Variants in CLIC5 observed in about 807,000 individuals in gnomAD.
CLIC5 encodes chloride intracellular channel protein 5.
Under a neutral mutation model 24.7 loss-of-function variants are expected in CLIC5, and 20 were observed. That is an observed-to-expected ratio of 0.81 (90% CI 0.57 to 1.18). The LOEUF (loss-of-function observed/expected upper bound fraction) is 1.18. CLIC5 is among the 50% of genes most tolerant of loss of function. The pLI, the probability that CLIC5 is intolerant of heterozygous loss-of-function variation, is 0.00. For synonymous variants in CLIC5, 159 were observed against 135.6 expected, an observed-to-expected ratio of 1.17 and a Z score of -1.20; for missense variants, 341 against 326.1, an observed-to-expected ratio of 1.05 and a Z score of -0.35.
At position 46,015,772 on chromosome 6, in the gene CLIC5, G is replaced by T; in HGVS notation, c.-230C>A. 8.1e-7 allele frequency: 1 copy of T among 1,230,484 alleles called. No homozygotes were observed. The highest frequency in any genetic ancestry group is 1.0e-6 in the Non-Finnish European group (1 of 986,216). 76.2% of individuals were successfully genotyped at this position (1,230,484 alleles called of 1,614,324 possible). ...GCCGGGAGGAGGCGGGGGGCCACGG[G>T]GAAAGCCGGGTTAAGGGAATGACAA... is the stretch of plus-strand genomic sequence containing the variant. On this transcript the variant is annotated 5_prime_UTR_variant, in exon 1 of 6. Transcript: ENST00000339561.
intron 1 of CLIC5, among the ~76,000 whole-genome samples, chr6:46,051,203 C>T (rs761108520): frequency 7.2e-5 from 11 of 152,166 alleles, no homozygotes; most frequent in Admixed American, 1.3e-4. Flanking sequence ...TTGAGGCTCC[C>T]ACTTGTGTAT....
chr6:45,980,975 T>C (rs1400123248), intron 1 of CLIC5, among the ~76,000 whole-genome samples: 3 of 152,142 alleles, frequency 2.0e-5, no homozygotes, highest in Admixed American at 2.0e-4. Context: ...TCATTTTCTG[T>C]TTTGTTTTGT....
chr6:45,978,049 T>A (rs568133964), intron 1 of CLIC5, among the ~76,000 whole-genome samples: 1 of 152,212 alleles, frequency 6.6e-6, no homozygotes, highest in Non-Finnish European at 1.5e-5. Flanking sequence ...CTTTGCCACT[T>A]ACTAGGGTTG....
At chr6:45,924,808 A>G (rs555141938) in intron 4 of CLIC5, among the ~76,000 whole-genome samples, 1 of 152,216 alleles carries the variant, frequency 6.6e-6, no homozygotes, top group African/African-American at 2.4e-5. Flanking sequence ...CCTATCAAAA[A>G]TACTCATCTT....
intron 1 of CLIC5, among the ~76,000 whole-genome samples, chr6:45,975,467 G>A (rs569167958): frequency 2.6e-5 from 4 of 152,160 alleles, no homozygotes; most frequent in African/African-American, 9.6e-5. Flanking sequence ...TTTAACTTTG[G>A]CCAACAGTGA....
chr6:46,019,263 T>C (rs900853408), upstream of CLIC5, among the ~76,000 whole-genome samples: 4 of 152,338 alleles, frequency 2.6e-5, no homozygotes, highest in East Asian at 1.9e-4. Flanking sequence ...AAGCTGAAGA[T>C]TGTTGGATTG....
chr6:46,085,062 G>A (rs555193766), upstream of CLIC5, among the ~76,000 whole-genome samples: 326 of 149,848 alleles, frequency 2.2e-3, 2 homozygotes, highest in African/African-American at 7.2e-3. Context: ...CCAGTTGATC[G>A]CATTGGCTCC....
At chr6:45,986,739 C>T (rs1173572588) in intron 1 of CLIC5, among the ~76,000 whole-genome samples, 1 of 150,710 alleles carries the variant, frequency 6.6e-6, no homozygotes, top group Non-Finnish European at 1.5e-5. Context: ...TTCCTCTGTG[C>T]TCATTCACTG....
intron 1 of CLIC5, among the ~76,000 whole-genome samples, chr6:45,990,398 A>T (rs1257961856): frequency 2.0e-5 from 3 of 152,156 alleles, no homozygotes; most frequent in African/African-American, 7.2e-5. Flanking sequence ...CTCCATCTTG[A>T]CTTTTACTCT....
chr6:46,074,185 G>A (rs890472555), intron 1 of CLIC5, among the ~76,000 whole-genome samples: 2 of 152,132 alleles, frequency 1.3e-5, no homozygotes, highest in Non-Finnish European at 2.9e-5. Flanking sequence ...ACTACTGTAA[G>A]AGTACACTGT....
At chr6:46,126,644 C>T in the CLIC5 span, among the ~76,000 whole-genome samples, 1 of 151,988 alleles carries the variant, frequency 6.6e-6, no homozygotes, top group African/African-American at 2.4e-5. Flanking sequence ...GGTCCTTTTC[C>T]CCTGTTATAT....
chr6:46,085,950 G>A, the CLIC5 span, among the ~76,000 whole-genome samples: 6 of 152,204 alleles, frequency 3.9e-5, no homozygotes, highest in East Asian at 1.9e-4. Flanking sequence ...GGGCAATGGC[G>A]GGTGCCCCTC....
At chr6:46,059,526 T>G (rs919694303) in intron 1 of CLIC5, among the ~76,000 whole-genome samples, 2 of 152,084 alleles carry the variant, frequency 1.3e-5, no homozygotes, top group African/African-American at 4.8e-5. Flanking sequence ...TCAGAAACAG[T>G]GATAGTAAAT....
chr6:45,991,095 C>T (rs187322183), intron 1 of CLIC5, among the ~76,000 whole-genome samples: 1 of 152,302 alleles, frequency 6.6e-6, no homozygotes. Flanking sequence ...GCATTCATGC[C>T]TTATATATAA....
the CLIC5 span, chr6:46,122,959 AG>A: frequency 6.6e-6 from 1 of 152,236 alleles, no homozygotes; most frequent in African/African-American, 2.4e-5. Flanking sequence ...AACCAAAAAA[AG>A]TCCAGGACCA....
chr6:45,946,545 C>T (rs1183544165), intron 3 of CLIC5, among the ~76,000 whole-genome samples: 8 of 152,164 alleles, frequency 5.3e-5, no homozygotes, highest in African/African-American at 1.7e-4. Flanking sequence ...GGCCGACCAG[C>T]GCTTGGTGAA....
At chr6:46,124,014 A>G in the CLIC5 span, among the ~76,000 whole-genome samples, 3 of 152,178 alleles carry the variant, frequency 2.0e-5, no homozygotes, top group Non-Finnish European at 2.9e-5. Context: ...TGCCCAAGGT[A>G]ATTTATAGAT....
At chr6:46,129,241 A>G in the CLIC5 span, among the ~76,000 whole-genome samples, 14 of 152,260 alleles carry the variant, frequency 9.2e-5, 1 homozygote. Flanking sequence ...ACAGATAAAA[A>G]GAAAAAAGAT....
intron 1 of CLIC5, among the ~76,000 whole-genome samples, chr6:45,962,593 T>C (rs937934477): frequency 6.6e-6 from 1 of 152,216 alleles, no homozygotes; most frequent in South Asian, 2.1e-4. Context: ...CCATTACACC[T>C]GGCATATTTA....
Sources: gnomAD v4.1 joint callset for allele counts (sites outside exome capture counted in the v4.1 genomes callset) on GRCh38, gnomAD v4.1.1 for gene constraint, MANE v1.5 for transcripts, NCBI Gene and HGNC (gene_info 2026-07-23, HGNC 2026-07-21) for gene names.